Variants in CALCR observed in about 807,000 individuals in gnomAD.
CALCR encodes the protein calcitonin receptor.
CALCR carries 47 observed loss-of-function variants against 59.5 expected under a neutral mutation model. The ratio of observed to expected loss-of-function variants is 0.79; its 90% confidence interval spans 0.63 to 1.01. CALCR has a LOEUF of 1.01. Ranked by LOEUF, CALCR falls within the 50% of genes least tolerant of loss-of-function variation. The probability of loss-of-function intolerance (pLI) is 0.00; values close to 1 mark genes in which losing one functional copy is unlikely to be tolerated. For synonymous variants in CALCR, 213 were observed against 211.3 expected, an observed-to-expected ratio of 1.01 and a Z score of -0.07; for missense variants, 566 against 597.1, an observed-to-expected ratio of 0.95 and a Z score of 0.54.
intron 2 of CALCR, among the ~76,000 whole-genome samples, chr7:93,571,504 C>G (rs549391254): frequency 1.1e-4 from 17 of 151,512 alleles, no homozygotes; most frequent in African/African-American, 3.9e-4. Flanking sequence ...ATTAAGGCAC[C>G]GAGAAGTTAC....
intron 2 of CALCR, among the ~76,000 whole-genome samples, chr7:93,545,369 A>G (rs556047292): frequency 4.1e-4 from 63 of 152,244 alleles, no homozygotes; most frequent in African/African-American, 1.5e-3. Context: ...ATCCAGTGTA[A>G]TTTCTGCCTC....
intron 8 of CALCR, among the ~76,000 whole-genome samples, chr7:93,450,310 G>T (rs921188435): frequency 6.6e-6 from 1 of 151,928 alleles, no homozygotes; most frequent in Non-Finnish European, 1.5e-5. Flanking sequence ...AGGTATTCTA[G>T]CTTGTTGGAA....
chr7:93,498,163 G>A (rs1386365505), intron 2 of CALCR, among the ~76,000 whole-genome samples: 1 of 151,672 alleles, frequency 6.6e-6, no homozygotes, highest in Non-Finnish European at 1.5e-5. Context: ...TACTAGTTTG[G>A]TGGAAGTTTT....
intron 2 of CALCR, among the ~76,000 whole-genome samples, chr7:93,551,592 A>G (rs1227274357): frequency 2.0e-5 from 3 of 152,330 alleles, no homozygotes; most frequent in South Asian, 4.1e-4. Context: ...AAAAGTAAAG[A>G]GGAATTTGGT....
Position 93,498,938 on chromosome 7 carries a change from G to GA in CALCR, c.-26-11932dup, listed in dbSNP as rs551040954. 4.7e-5 allele frequency among the ~76,000 whole-genome samples: 7 copies of GA among 149,526 alleles called. No homozygotes were observed. In the South Asian group the frequency reaches 6.3e-4, roughly 14 times the overall value. On this transcript the variant is annotated intron_variant, in intron 2 of 13. Coordinates refer to ENST00000426151, the MANE Select transcript of CALCR (RefSeq NM_001742.4). The stretch of plus-strand genomic sequence containing the variant: ...GAAGAAAAGTCAGTATGGCATAATG[G>GA]AAAAAAAAATAGTGGGCAAAGGAAT...
At chr7:93,470,031 T>C (rs1171531684) in intron 6 of CALCR, among the ~76,000 whole-genome samples, 3 of 151,754 alleles carry the variant, frequency 2.0e-5, no homozygotes, top group African/African-American at 7.3e-5. Context: ...ATTCCTTTTC[T>C]AGGCCTTAGA....
At chr7:93,543,538 A>C (rs1399930710) in intron 2 of CALCR, among the ~76,000 whole-genome samples, 5 of 152,140 alleles carry the variant, frequency 3.3e-5, no homozygotes, top group African/African-American at 1.2e-4. Context: ...CGATGTGAGC[A>C]TGGCAATGGC....
intron 9 of CALCR, among the ~76,000 whole-genome samples, chr7:93,439,012 A>T (rs1287376340): frequency 6.6e-6 from 1 of 152,140 alleles, no homozygotes; most frequent in African/African-American, 2.4e-5. Context: ...AGTATAACCT[A>T]AAGTTGTAAT....
intron 2 of CALCR, among the ~76,000 whole-genome samples, chr7:93,568,509 T>TCTCTCTC (rs1789918557): frequency 4.9e-5 from 5 of 102,382 alleles, no homozygotes; most frequent in Non-Finnish European, 7.5e-5. Context: ...TAAAATTACT[T>TCTCTCTC]TCTCTCTCTC....
At chr7:93,559,412 C>T (rs1268569546) in intron 2 of CALCR, 2 of 152,034 alleles carry the variant, frequency 1.3e-5, no homozygotes, top group Non-Finnish European at 2.9e-5. Context: ...AAGTGACTTT[C>T]ACACCCTCCT....
At chr7:93,491,020 C>T (rs1801063327) in intron 2 of CALCR, among the ~76,000 whole-genome samples, 1 of 151,984 alleles carries the variant, frequency 6.6e-6, no homozygotes. Flanking sequence ...TATAAGGCTA[C>T]AGTAACCAAA....
chr7:93,548,694 T>A, intron 2 of CALCR, among the ~76,000 whole-genome samples: 1 of 149,766 alleles, frequency 6.7e-6, no homozygotes, highest in Non-Finnish European at 1.5e-5. Context: ...CAAAACAAAA[T>A]ACTTCATTCA....
chr7:93,560,282 C>T (rs925115876), intron 2 of CALCR, among the ~76,000 whole-genome samples: 6 of 151,970 alleles, frequency 3.9e-5, no homozygotes, highest in Non-Finnish European at 7.4e-5. Flanking sequence ...TCTAATATTC[C>T]ATTGACAATT....
intron 2 of CALCR, among the ~76,000 whole-genome samples, chr7:93,564,511 G>A (rs1789815635): frequency 6.6e-6 from 1 of 152,030 alleles, no homozygotes. Flanking sequence ...GGAGTGCAAT[G>A]GCACTATCTC....
In CALCR at chr7:93,477,620, G is replaced by A. The variant is rs749750687; in HGVS notation, c.254C>T (p.Thr85Ile). The A allele has an allele frequency of 1.2e-6, 2 of 1,611,592 alleles. No homozygotes were observed. Among genetic ancestry groups the A allele is most frequent in the Non-Finnish European group, 1.7e-6 (2 of 1,178,528 alleles). The change falls in exon 5 of 14, where the codon ACA (threonine) becomes ATA (isoleucine). Residue 85 changes from threonine to isoleucine, a missense_variant. Coordinates refer to ENST00000426151, the MANE Select transcript of CALCR (RefSeq NM_001742.4). The stretch of plus-strand genomic sequence containing the variant: ...CTGATAGGACAATACTCCAGCCGGT[G>A]TGTCATCCCAGCACAGCCATCCATC... ...TWDGWLCWDD[T>I]PAGVLSYQFC...
intron 2 of CALCR, among the ~76,000 whole-genome samples, chr7:93,510,416 T>A (rs187333841): frequency 6.6e-6 from 1 of 152,300 alleles, no homozygotes; most frequent in East Asian, 1.9e-4. Context: ...TCCTATCTGA[T>A]CTGGTGGGCC....
intron 12 of CALCR, among the ~76,000 whole-genome samples, chr7:93,434,967 C>A (rs1799742185): frequency 6.6e-6 from 1 of 152,134 alleles, no homozygotes; most frequent in Non-Finnish European, 1.5e-5. Flanking sequence ...ATAGAGACAG[C>A]AAAACTCTGG....
intron 2 of CALCR, among the ~76,000 whole-genome samples, chr7:93,557,659 TTTATGA>T (rs1253278356): frequency 2.0e-5 from 3 of 151,992 alleles, no homozygotes; most frequent in East Asian, 1.9e-4. Flanking sequence ...TTGTGTTATG[TTTATGA>T]TTATAACACC....
intron 2 of CALCR, among the ~76,000 whole-genome samples, chr7:93,522,958 T>G (rs1254258116): frequency 6.6e-6 from 1 of 152,196 alleles, no homozygotes; most frequent in Non-Finnish European, 1.5e-5. Flanking sequence ...TTCAGTTTGT[T>G]GAAAATAGGT....
Sources: gnomAD v4.1 joint callset for allele counts (sites outside exome capture counted in the v4.1 genomes callset) on GRCh38, gnomAD v4.1.1 for gene constraint, MANE v1.5 for transcripts, NCBI Gene and HGNC (gene_info 2026-07-23, HGNC 2026-07-21) for gene names.